The following CADM2 variants were observed in gnomAD, a reference collection of about 807,000 sequenced individuals.
The protein encoded by CADM2 is immunoglobulin superfamily member 4D.
Under a neutral mutation model 49.8 loss-of-function variants are expected in CADM2, and 12 were observed. The observed-to-expected ratio is 0.24, with a 90% CI of 0.15 to 0.39. CADM2 has a LOEUF of 0.39. CADM2 is among the 10% of genes least tolerant of loss of function. The probability of loss-of-function intolerance (pLI) is 1.00; values close to 1 mark genes in which losing one functional copy is unlikely to be tolerated. For synonymous variants in CADM2, 214 were observed against 175.4 expected (o/e 1.22, Z -1.74); for missense variants, 378 against 492.3 (o/e 0.77, Z 2.20).
chr3:85,669,197 T>TAA (rs146833316), intron 1 of CADM2, among the ~76,000 whole-genome samples: 27 of 151,106 alleles, frequency 1.8e-4, no homozygotes, highest in African/African-American at 5.8e-4. Context: ...ATTGGTAAGA[T>TAA]AAAAAAAAAT....
At chr3:86,051,888 G>GCCCT (rs1233375341) in intron 8 of CADM2, among the ~76,000 whole-genome samples, 1 of 152,084 alleles carries the variant, frequency 6.6e-6, no homozygotes, top group Non-Finnish European at 1.5e-5. Flanking sequence ...CTCCTATCAT[G>GCCCT]CCCTACCTCC....
chr3:85,658,613 T>C lies in CADM2; in HGVS notation c.62-67909T>C, dbSNP rs867304557. Among the ~76,000 whole-genome samples the C allele has an allele frequency of 1.1e-3, 157 of 137,524 alleles. 1 individual carries two copies. The highest frequency in any genetic ancestry group is 3.8e-3 in the African/African-American group (142 of 37,248). The allele number at this position is 137,524 out of a possible 152,430, so 90.2% of individuals were successfully genotyped here. The stretch of plus-strand genomic sequence containing the variant: ...ATATATATATATATATATATATATA[T>C]ATATACATGTATGCATATGTTTGTT... On this transcript the variant is annotated intron_variant, in intron 1 of 9. Transcript: ENST00000383699.
chr3:85,955,139 T>G (rs996368159), intron 7 of CADM2, among the ~76,000 whole-genome samples: 5 of 151,364 alleles, frequency 3.3e-5, no homozygotes, highest in African/African-American at 1.2e-4. Context: ...TTTTTGTTCA[T>G]TTTTCTTAAG....
At chr3:85,985,731 A>G (rs558421378) in intron 8 of CADM2, among the ~76,000 whole-genome samples, 2 of 152,136 alleles carry the variant, frequency 1.3e-5, no homozygotes, top group South Asian at 4.1e-4. Context: ...GATCTTAATA[A>G]ATAACTACTT....
chr3:85,399,605 T>C (rs1052586116), intron 1 of CADM2, among the ~76,000 whole-genome samples: 13 of 152,230 alleles, frequency 8.5e-5, no homozygotes, highest in African/African-American at 2.9e-4. Context: ...TTCCTATCCA[T>C]GAGCATGGAA....
intron 1 of CADM2, among the ~76,000 whole-genome samples, chr3:85,680,354 T>G (rs1323081943): frequency 6.6e-6 from 1 of 152,184 alleles, no homozygotes; most frequent in African/African-American, 2.4e-5. Flanking sequence ...GATAAAGGGC[T>G]GATCTTGAAA....
intron 1 of CADM2, among the ~76,000 whole-genome samples, chr3:85,453,581 C>A (rs955041337): frequency 6.6e-6 from 1 of 151,890 alleles, no homozygotes; most frequent in African/African-American, 2.4e-5. Context: ...ATATTTTCAT[C>A]CCAAATTTTT....
intron 1 of CADM2, among the ~76,000 whole-genome samples, chr3:85,533,493 C>T (rs17456763): frequency 0.51 from 77,976 of 151,950 alleles, 23,082 homozygotes; most frequent in East Asian, 0.85. Flanking sequence ...GAGATTTTAT[C>T]GAAATTTAGG....
In CADM2 at chr3:85,464,089, T is replaced by A. The variant is rs1229865903; in HGVS notation, c.62-262433T>A. ...GTTCACTTTCCCCTAATAATAAACA[T>A]ATTTTAGATTTGAAGCTCTGAAAAT... On this transcript the variant is annotated intron_variant, in intron 1 of 9. Transcript: ENST00000383699. 4.6e-5 allele frequency among the ~76,000 whole-genome samples: 7 copies of A among 152,298 alleles called. No individual in the cohort carries two copies. In the East Asian group the frequency reaches 1.3e-3, roughly 29 times the overall value.
At chr3:85,046,431 G>A (rs1255688828) in intron 1 of CADM2, among the ~76,000 whole-genome samples, 1 of 150,282 alleles carries the variant, frequency 6.7e-6, no homozygotes, top group Non-Finnish European at 1.5e-5. Flanking sequence ...GTCAATTATA[G>A]TTTTTGGTTT....
intron 1 of CADM2, among the ~76,000 whole-genome samples, chr3:85,678,328 T>C (rs2107650631): frequency 6.6e-6 from 1 of 152,322 alleles, no homozygotes; most frequent in Admixed American, 6.5e-5. Flanking sequence ...CCCACCTTAG[T>C]ACCAGACTTC....
chr3:85,441,561 T>G (rs2037202300), intron 1 of CADM2, among the ~76,000 whole-genome samples: 1 of 152,098 alleles, frequency 6.6e-6, no homozygotes, highest in South Asian at 2.1e-4. Flanking sequence ...AATATGAAAT[T>G]GATTTTTATC....
At chr3:85,485,537 G>A (rs1486867082) in intron 1 of CADM2, among the ~76,000 whole-genome samples, 2 of 151,972 alleles carry the variant, frequency 1.3e-5, no homozygotes, top group Admixed American at 6.6e-5. Flanking sequence ...TGCATGCGCA[G>A]TCTGCCACAG....
At chr3:85,362,180 T>A (rs556655734) in intron 1 of CADM2, among the ~76,000 whole-genome samples, 2 of 152,288 alleles carry the variant, frequency 1.3e-5, no homozygotes. Flanking sequence ...GTAATTACAT[T>A]TCACCTTCTT....
chr3:86,058,142 TTC>T (rs1738213108), intron 8 of CADM2, among the ~76,000 whole-genome samples: 1 of 152,206 alleles, frequency 6.6e-6, no homozygotes, highest in African/African-American at 2.4e-5. Flanking sequence ...TGCCACCAGA[TTC>T]TTTTTCCATC....
intron 1 of CADM2, among the ~76,000 whole-genome samples, chr3:85,309,170 T>A (rs541745502): frequency 6.6e-6 from 1 of 152,290 alleles, no homozygotes; most frequent in South Asian, 2.1e-4. Context: ...GGGATAGATC[T>A]GAGCTAAGTC....
intron 1 of CADM2, among the ~76,000 whole-genome samples, chr3:85,537,097 G>A (rs2061436220): frequency 6.6e-6 from 1 of 151,914 alleles, no homozygotes; most frequent in Admixed American, 6.6e-5. Flanking sequence ...TCTGAGAATT[G>A]TTTCTTGAAT....
chr3:85,395,296 C>CAAAAA (rs58315220), intron 1 of CADM2, among the ~76,000 whole-genome samples: 35 of 75,548 alleles, frequency 4.6e-4, no homozygotes, highest in Non-Finnish European at 7.4e-4. Flanking sequence ...AGACTCCATA[C>CAAAAA]AAAAAAAAAA....
chr3:85,789,498 T>C (rs1193876083), intron 2 of CADM2, among the ~76,000 whole-genome samples: 1 of 152,224 alleles, frequency 6.6e-6, no homozygotes, highest in Non-Finnish European at 1.5e-5. Context: ...AGACATACAA[T>C]TTTCTTTTCA....
Sources: allele counts gnomAD v4.1 joint callset (sites outside exome capture counted in the v4.1 genomes callset), GRCh38; gene constraint gnomAD v4.1.1; transcripts MANE v1.5; gene names NCBI Gene and HGNC (gene_info 2026-07-23, HGNC 2026-07-21).